LRRC58: variants seen among roughly 807,000 people sequenced by gnomAD.
The protein encoded by LRRC58 is leucine-rich repeat-containing protein 58.
LRRC58 carries 18 observed loss-of-function variants against 30.6 expected under a neutral mutation model. The observed-to-expected ratio is 0.59, with a 90% CI of 0.41 to 0.87. The LOEUF (loss-of-function observed/expected upper bound fraction) is 0.87, where lower values mean the gene tolerates loss of function less well. LRRC58 is among the 40% of genes least tolerant of loss of function. LRRC58 has a pLI of 0.00. For synonymous variants in LRRC58, 221 were observed against 206.0 expected, an observed-to-expected ratio of 1.07 and a Z score of -0.62; for missense variants, 420 against 468.4, an observed-to-expected ratio of 0.90 and a Z score of 0.95.
intron 3 of LRRC58, among the ~76,000 whole-genome samples, chr3:120,333,571 A>G (rs1252367997): frequency 6.6e-6 from 1 of 152,258 alleles, no homozygotes; most frequent in Non-Finnish European, 1.5e-5. Flanking sequence ...ACCTTGTAAT[A>G]GCTTCAAGAC....
At position 120,324,794 on chromosome 3, in the gene LRRC58, T is replaced by C. The variant is rs1935651132; in HGVS notation, c.*6406A>G. On this transcript the variant is annotated 3_prime_UTR_variant, in exon 4 of 4. Transcript: ENST00000295628. Reference sequence around the variant, plus strand: ...ATATATAAATTTGATATTAATATAATAAACAATAACTTATCCTAAATATAA... The same window carrying C: ...ATATATAAATTTGATATTAATATAACAAACAATAACTTATCCTAAATATAA... The C allele has an allele frequency of 6.6e-6, 1 of 152,166 alleles. No individual in the cohort carries two copies. 9.4% of individuals were successfully genotyped at this position (152,166 alleles called of 1,614,324 possible).
Position 120,325,957 on chromosome 3 carries a change from A to G in LRRC58, c.*5243T>C, listed in dbSNP as rs1935667802. ...AGACTGATACACATTAGGCCATTTT[A>G]TGAGAAGGAATCTGTCAGGATCACA... On this transcript the variant is annotated 3_prime_UTR_variant, in exon 4 of 4. Coordinates refer to ENST00000295628, the MANE Select transcript of LRRC58 (RefSeq NM_001099678.2). 1 of 152,134 alleles carries G rather than the reference A, an allele frequency of 6.6e-6. No individual in the cohort carries two copies. Among genetic ancestry groups the G allele is most frequent in the Admixed American group, 6.6e-5 (1 of 15,266 alleles). The allele number at this position is 152,134 out of a possible 1,614,324, so 9.4% of individuals were successfully genotyped here. A position where few individuals can be genotyped will look rare whatever the true frequency, so the allele number is the denominator to read the frequency against.
In LRRC58 at chr3:120,347,379, C is replaced by CTTTTTTTT. The variant is rs796116731; in HGVS notation, c.500+1357_500+1364dup. Among the ~76,000 whole-genome samples, 55 of 54,846 alleles carry CTTTTTTTT rather than the reference C, an allele frequency of 1.0e-3. 2 individuals are homozygous for CTTTTTTTT. Among genetic ancestry groups the CTTTTTTTT allele is most frequent in the African/African-American group, 2.2e-3 (34 of 15,166 alleles). 36.0% of individuals were successfully genotyped at this position (54,846 alleles called of 152,430 possible). ...AGTTCTTTTTTCCCAGGCCAATATT[C>CTTTTTTTT]TTTTTTTTTTTTTTTTTTTTTTTGA... On this transcript the variant is annotated intron_variant, in intron 1 of 3. Coordinates refer to ENST00000295628, the MANE Select transcript of LRRC58 (RefSeq NM_001099678.2).
chr3:120,331,164 G>GT lies in LRRC58; in HGVS notation c.*35dup, dbSNP rs1559992734. ...TTTTCTTGTCTAACCATTTTGCTCA[G>GT]TTTTTTAAGTATTTCACAACACTGT... is the stretch of plus-strand genomic sequence containing the variant. On this transcript the variant is annotated 3_prime_UTR_variant, in exon 4 of 4. Transcript: ENST00000295628. 3 of 1,587,526 alleles carry GT rather than the reference G, an allele frequency of 1.9e-6. No homozygotes were observed. The highest frequency in any genetic ancestry group is 2.6e-6 in the Non-Finnish European group (3 of 1,156,522).
chr3:120,331,085 T>C lies in LRRC58; in HGVS notation c.*115A>G. 1.2e-6 allele frequency: 1 copy of C among 857,972 alleles called. No homozygotes were observed. The highest frequency in any genetic ancestry group is 1.9e-6 in the Non-Finnish European group (1 of 531,630). The allele number at this position is 857,972 out of a possible 1,614,324, so 53.1% of individuals were successfully genotyped here. ...CAAAATGTTTTATATCATCCCAGAC[T>C]CTTTGATGAACACTTAAGATGAAGA... is the stretch of plus-strand genomic sequence containing the variant. On this transcript the variant is annotated 3_prime_UTR_variant, in exon 4 of 4. Coordinates refer to ENST00000295628, the MANE Select transcript of LRRC58 (RefSeq NM_001099678.2).
Position 120,334,979 on chromosome 3 carries a change from C to T in LRRC58, c.790G>A (p.Glu264Lys). ...DLTYDPPTLL[E>K]LAARTIKIRN... ...ATCTTAATGGTCCGTGCAGCTAATT[C>T]CAGGAGAGTTGGAGGATCATAGGTT... The change falls in exon 3 of 4, where the codon GAA becomes AAA. Residue 264 changes from glutamate to lysine, a missense_variant. By Grantham distance (56) the Glu-to-Lys change is moderately conservative. Transcript: ENST00000295628. 2 of 1,613,786 alleles carry T rather than the reference C, an allele frequency of 1.2e-6. No homozygotes were observed. The highest frequency in any genetic ancestry group is 8.5e-7 in the Non-Finnish European group (1 of 1,179,828).
intron 1 of LRRC58, among the ~76,000 whole-genome samples, chr3:120,339,594 T>C (rs1935877984): frequency 6.6e-6 from 1 of 152,252 alleles, no homozygotes; most frequent in Admixed American, 6.5e-5. Context: ...TTACTTTTCC[T>C]TGGCACTACG....
chr3:120,347,939 G>C (rs1648208242), intron 1 of LRRC58, among the ~76,000 whole-genome samples: 1 of 152,164 alleles, frequency 6.6e-6, no homozygotes, highest in African/African-American at 2.4e-5. Flanking sequence ...AGGTGAAGCA[G>C]ATAATTCCTG....
rs1372362515 is a variant in LRRC58 at position 120,331,419 on chromosome 3, G to A, written c.908-11C>T. On this transcript the variant is annotated splice_polypyrimidine_tract_variant and intron_variant, in intron 3 of 3. Transcript: ENST00000295628. ...AGTCAAAGTAGACTCCTAAAGAGAA[G>A]AAGGAATAGAAAGTAATCATTACAA... The A allele has an allele frequency of 6.3e-7, 1 of 1,595,586 alleles. No homozygotes were observed. The highest frequency in any genetic ancestry group is 1.3e-5 in the African/African-American group (1 of 74,680).
intron 1 of LRRC58, among the ~76,000 whole-genome samples, chr3:120,341,589 T>G (rs1486283041): frequency 6.6e-6 from 1 of 152,150 alleles, no homozygotes; most frequent in African/African-American, 2.4e-5. Flanking sequence ...ATTTGGGTGG[T>G]AATTAGGATT....
chr3:120,343,789 G>A (rs1199931726), intron 1 of LRRC58, among the ~76,000 whole-genome samples: 2 of 152,148 alleles, frequency 1.3e-5, no homozygotes, highest in East Asian at 1.9e-4. Context: ...CAGCACTTTC[G>A]GAAGCTGAGG....
Position 120,344,545 on chromosome 3 carries a change from C to A in LRRC58, c.500+4199G>T, listed in dbSNP as rs569488507. ...ACTTCAAAACATTTGAGAGCATTAA[C>A]TTTTAGCTTTTGTTTTGTCACACCC... is the stretch of plus-strand genomic sequence containing the variant. On this transcript the variant is annotated intron_variant, in intron 1 of 3. Transcript: ENST00000295628. Among the ~76,000 whole-genome samples the A allele has an allele frequency of 2.0e-5, 3 of 152,322 alleles. No individual in the cohort carries two copies. The South Asian group carries it at 6.2e-4, about 32-fold the overall frequency.
intron 1 of LRRC58, among the ~76,000 whole-genome samples, chr3:120,344,945 A>G (rs1935949212): frequency 6.6e-6 from 1 of 152,212 alleles, no homozygotes; most frequent in Non-Finnish European, 1.5e-5. Flanking sequence ...AATTACACTT[A>G]TTTGCTGAAG....
At chr3:120,336,548 AC>A (rs1276242114) in intron 1 of LRRC58, among the ~76,000 whole-genome samples, 1 of 152,104 alleles carries the variant, frequency 6.6e-6, no homozygotes, top group Non-Finnish European at 1.5e-5. Flanking sequence ...CAATGGGAAA[AC>A]CACTAGCTTG....
Position 120,347,379 on chromosome 3 carries a change from C to CTTTTTTTTTTTTTTTTTTTT in LRRC58, c.500+1345_500+1364dup, listed in dbSNP as rs796116731. Among the ~76,000 whole-genome samples the CTTTTTTTTTTTTTTTTTTTT allele has an allele frequency of 3.1e-3, 170 of 54,836 alleles. 40 individuals are homozygous for CTTTTTTTTTTTTTTTTTTTT. The highest frequency in any genetic ancestry group is 4.7e-3 in the Non-Finnish European group (135 of 28,762). 36.0% of individuals were successfully genotyped at this position (54,836 alleles called of 152,430 possible). ...AGTTCTTTTTTCCCAGGCCAATATT[C>CTTTTTTTTTTTTTTTTTTTT]TTTTTTTTTTTTTTTTTTTTTTTGA... On this transcript the variant is annotated intron_variant, in intron 1 of 3. Transcript: ENST00000295628.
At chr3:120,333,347 T>C (rs1935785719) in intron 3 of LRRC58, among the ~76,000 whole-genome samples, 1 of 152,238 alleles carries the variant, frequency 6.6e-6, no homozygotes, top group Non-Finnish European at 1.5e-5. Flanking sequence ...CTTTCAGGCC[T>C]GAGGGCCTGG....
At chr3:120,335,401 G>T (rs1230498853) in intron 2 of LRRC58, among the ~76,000 whole-genome samples, 1 of 152,178 alleles carries the variant, frequency 6.6e-6, no homozygotes, top group African/African-American at 2.4e-5. Context: ...GTAAAACCTA[G>T]ATTTGAAGAT....
At chr3:120,334,315 T>C (rs1009762599) in intron 3 of LRRC58, among the ~76,000 whole-genome samples, 1 of 151,586 alleles carries the variant, frequency 6.6e-6, no homozygotes, top group Non-Finnish European at 1.5e-5. Context: ...CCATCCTGGC[T>C]AACAAGGTGA....
Sources: allele counts gnomAD v4.1 joint callset (sites outside exome capture counted in the v4.1 genomes callset), GRCh38; gene constraint gnomAD v4.1.1; transcripts MANE v1.5; gene names NCBI Gene and HGNC (gene_info 2026-07-23, HGNC 2026-07-21).